Variants in POU6F2 observed in about 807,000 individuals in gnomAD.
POU6F2 encodes the protein POU class 6 homeobox 2.
In POU6F2, 31 loss-of-function variants were observed where a neutral mutation model predicts 71.3. The observed-to-expected ratio is 0.43, with a 90% confidence interval of 0.33 to 0.59. The LOEUF (loss-of-function observed/expected upper bound fraction) is 0.59, where lower values mean the gene tolerates loss of function less well. Among genes scored for constraint, POU6F2 ranks in the 20% least tolerant of loss-of-function variants. The pLI is 0.04. For missense variants in POU6F2, 783 were observed against 856.8 expected (o/e 0.91, Z 1.07); for synonymous variants, 347 against 355.7 (o/e 0.98, Z 0.27).
intron 2 of POU6F2, among the ~76,000 whole-genome samples, chr7:39,160,970 G>A (rs528059455): frequency 2.0e-4 from 30 of 152,234 alleles, no homozygotes; most frequent in African/African-American, 6.5e-4. Flanking sequence ...CATGGCAGCC[G>A]TTGATATCTT....
rs11357906 is a variant in POU6F2, at chr7:39,465,071, GAA to G, written c.*395_*396del. On this transcript the variant is annotated 3_prime_UTR_variant, in exon 10 of 10. Transcript: ENST00000518318. ...AATGTGAACACATTTTAAGGAAAAA[GAA>G]AAAAAAAAACTAAACCAAAAACCAA... is the stretch of plus-strand genomic sequence containing the variant. 7.7e-5 allele frequency: 12 copies of G among 156,844 alleles called. No individual in the cohort carries two copies. The highest frequency in any genetic ancestry group is 1.8e-4 in the Admixed American group (3 of 16,270). 9.7% of individuals were successfully genotyped at this position (156,844 alleles called of 1,614,324 possible).
chr7:39,441,831 CAAAA>C (rs1196830005), intron 7 of POU6F2, among the ~76,000 whole-genome samples: 5 of 151,886 alleles, frequency 3.3e-5, no homozygotes, highest in Non-Finnish European at 7.4e-5. Flanking sequence ...TGTACACTAA[CAAAA>C]GAAAGGTGGT....
At chr7:39,336,686 C>T (rs907700191) in intron 4 of POU6F2, among the ~76,000 whole-genome samples, 20 of 152,176 alleles carry the variant, frequency 1.3e-4, no homozygotes, top group Admixed American at 1.2e-3. Flanking sequence ...ATGTGAACAG[C>T]AGTGAGTAAT....
chr7:39,034,578 T>A (rs970702324), intron 1 of POU6F2: 12 of 317,618 alleles, frequency 3.8e-5, no homozygotes, highest in Admixed American at 1.0e-4. Flanking sequence ...CTGCAGAAGG[T>A]CACTAGGGGA....
chr7:39,197,875 A>G (rs1793819286), intron 2 of POU6F2, among the ~76,000 whole-genome samples: 1 of 152,212 alleles, frequency 6.6e-6, no homozygotes, highest in Non-Finnish European at 1.5e-5. Context: ...ACATATGTAT[A>G]TTCTTACATA....
chr7:39,290,335 A>C (rs1583500558), intron 4 of POU6F2, among the ~76,000 whole-genome samples: 1 of 152,142 alleles, frequency 6.6e-6, no homozygotes. Flanking sequence ...TCGCTTGAGT[A>C]GCTCCCTGGG....
At chr7:39,025,526 T>C (rs1584506064) in intron 1 of POU6F2, among the ~76,000 whole-genome samples, 1 of 152,086 alleles carries the variant, frequency 6.6e-6, no homozygotes, top group African/African-American at 2.4e-5. Context: ...TAAATGGTGC[T>C]GGGAAAACTG....
At chr7:39,346,722 C>T (rs1786039906) in intron 5 of POU6F2, among the ~76,000 whole-genome samples, 1 of 152,224 alleles carries the variant, frequency 6.6e-6, no homozygotes, top group African/African-American at 2.4e-5. Context: ...AGTGCTTGGC[C>T]AGTATTTATG....
At chr7:39,290,624 C>T (rs971335504) in intron 4 of POU6F2, among the ~76,000 whole-genome samples, 2 of 152,120 alleles carry the variant, frequency 1.3e-5, no homozygotes, top group Admixed American at 1.3e-4. Flanking sequence ...TTTCCTTGAA[C>T]GTTTTTGTTT....
intron 2 of POU6F2, among the ~76,000 whole-genome samples, chr7:39,116,011 G>A (rs1343347226): frequency 2.6e-5 from 4 of 152,094 alleles, no homozygotes; most frequent in Non-Finnish European, 5.9e-5. Flanking sequence ...GAGGATTTGG[G>A]CAAAACCTAC....
intron 4 of POU6F2, among the ~76,000 whole-genome samples, chr7:39,216,909 T>A (rs1794254029): frequency 6.6e-6 from 1 of 151,726 alleles, no homozygotes; most frequent in Non-Finnish European, 1.5e-5. Flanking sequence ...TGATCCCAAT[T>A]GTTTAAAGGA....
intron 1 of POU6F2, among the ~76,000 whole-genome samples, chr7:38,985,995 AG>A (rs1788454087): frequency 6.6e-6 from 1 of 152,152 alleles, no homozygotes; most frequent in East Asian, 1.9e-4. Flanking sequence ...TAGTGACGAA[AG>A]AATTTAGAGT....
intron 4 of POU6F2, among the ~76,000 whole-genome samples, chr7:39,278,144 G>C (rs1784492545): frequency 6.6e-6 from 1 of 151,416 alleles, no homozygotes; most frequent in Non-Finnish European, 1.5e-5. Flanking sequence ...AATGGTGGGG[G>C]ACGTAGATGA....
chr7:39,435,478 TG>T (rs1208174865), intron 7 of POU6F2, among the ~76,000 whole-genome samples: 2 of 152,210 alleles, frequency 1.3e-5, no homozygotes, highest in Admixed American at 6.5e-5. Context: ...TTCATGGGAT[TG>T]TTTTTTTCTT....
chr7:39,119,119 C>T (rs1028423728), intron 2 of POU6F2, among the ~76,000 whole-genome samples: 10 of 152,098 alleles, frequency 6.6e-5, no homozygotes, highest in East Asian at 1.9e-4. Context: ...TACAATGAGA[C>T]GGGACCCAGG....
At chr7:38,997,371 C>A (rs1043943919) in intron 1 of POU6F2, among the ~76,000 whole-genome samples, 1 of 152,172 alleles carries the variant, frequency 6.6e-6, no homozygotes, top group African/African-American at 2.4e-5. Flanking sequence ...CAGTTTCTTT[C>A]TTCCTTATCT....
At chr7:39,023,132 G>C (rs1449687921) in intron 1 of POU6F2, among the ~76,000 whole-genome samples, 1 of 151,822 alleles carries the variant, frequency 6.6e-6, no homozygotes, top group East Asian at 1.9e-4. Flanking sequence ...TTGATACTTT[G>C]TATATCTGTG....
intron 6 of POU6F2, among the ~76,000 whole-genome samples, chr7:39,415,844 A>G (rs1348150411): frequency 6.6e-6 from 1 of 152,186 alleles, no homozygotes; most frequent in Non-Finnish European, 1.5e-5. Context: ...CAAATGAGCA[A>G]ATTCTCAAGA....
chr7:39,247,169 T>C (rs1357376401), intron 4 of POU6F2, among the ~76,000 whole-genome samples: 1 of 152,040 alleles, frequency 6.6e-6, no homozygotes, highest in Admixed American at 6.6e-5. Flanking sequence ...ATTTTCAATC[T>C]ACAGATAAAT....
Sources: gnomAD v4.1 joint callset for allele counts (sites outside exome capture counted in the v4.1 genomes callset) on GRCh38, gnomAD v4.1.1 for gene constraint, MANE v1.5 for transcripts, NCBI Gene and HGNC (gene_info 2026-07-23, HGNC 2026-07-21) for gene names.